The following FAM81B variants were observed in gnomAD, a reference collection of about 807,000 sequenced individuals.
The protein encoded by FAM81B is family with sequence similarity 81 member B.
In FAM81B, 60 loss-of-function variants were observed where a neutral mutation model predicts 58.7. That is an observed-to-expected ratio of 1.02 (90% CI 0.83 to 1.27). The LOEUF (loss-of-function observed/expected upper bound fraction) is 1.27, where lower values mean the gene tolerates loss of function less well. Ranked by LOEUF, FAM81B falls within the 50% of genes most tolerant of loss-of-function variation. The pLI is 0.00. For missense variants in FAM81B, 491 were observed against 522.0 expected (o/e 0.94, Z 0.58); for synonymous variants, 189 against 179.6 (o/e 1.05, Z -0.42).
chr5:95,420,433 C>T (rs1024341193), intron 5 of FAM81B, 31 bp downstream of exon 5: 27 of 1,610,986 alleles, frequency 1.7e-5, no homozygotes, highest in Non-Finnish European at 2.3e-5. Context: ...TAATGTTTAA[C>T]AGTGAATTCT....
chr5:95,448,039 C>T (rs889836430), intron 8 of FAM81B, among the ~76,000 whole-genome samples: 12 of 152,128 alleles, frequency 7.9e-5, no homozygotes, highest in Admixed American at 1.3e-4. Context: ...ATTTGGGCCA[C>T]GCTACAGCCC....
intron 6 of FAM81B, 28 bp from the exon 7 acceptor site, chr5:95,436,772 T>C (rs371688079): frequency 6.1e-6 from 9 of 1,478,708 alleles, no homozygotes; most frequent in East Asian, 2.3e-5. Flanking sequence ...TTTGTTCATA[T>C]GCACAAACCC....
chr5:95,417,372 T>A (rs563037089), intron 4 of FAM81B, among the ~76,000 whole-genome samples: 1 of 152,242 alleles, frequency 6.6e-6, no homozygotes, highest in South Asian at 2.1e-4. Flanking sequence ...AAAGTAACAA[T>A]TTTGGCTGAG....
intron 4 of FAM81B, among the ~76,000 whole-genome samples, chr5:95,418,338 G>A (rs1043278586): frequency 2.0e-5 from 3 of 152,066 alleles, no homozygotes; most frequent in Admixed American, 1.3e-4. Flanking sequence ...ACTATGGCAA[G>A]GAGAAGCCGT....
chr5:95,414,910 C>T (rs1353601345), intron 4 of FAM81B, among the ~76,000 whole-genome samples: 1 of 152,038 alleles, frequency 6.6e-6, no homozygotes, highest in African/African-American at 2.4e-5. Flanking sequence ...TATTTGATTC[C>T]TGTTTGTTTT....
intron 3 of FAM81B, among the ~76,000 whole-genome samples, chr5:95,404,472 A>T (rs999950557): frequency 2.6e-5 from 4 of 152,090 alleles, no homozygotes; most frequent in Non-Finnish European, 5.9e-5. Context: ...CATGTTACAA[A>T]AACTACCATG....
At chr5:95,393,786 C>T (rs1486100862) in intron 2 of FAM81B, among the ~76,000 whole-genome samples, 1 of 152,068 alleles carries the variant, frequency 6.6e-6, no homozygotes, top group Non-Finnish European at 1.5e-5. Context: ...AAAATTATGT[C>T]ATATACAAGA....
intron 4 of FAM81B, among the ~76,000 whole-genome samples, chr5:95,415,252 G>A: frequency 6.6e-6 from 1 of 152,194 alleles, no homozygotes; most frequent in East Asian, 1.9e-4. Flanking sequence ...CCCAAAACTT[G>A]TGGAGTTATC....
intron 6 of FAM81B, among the ~76,000 whole-genome samples, chr5:95,430,651 C>T (rs1347563432): frequency 1.3e-5 from 2 of 151,822 alleles, no homozygotes; most frequent in Admixed American, 6.6e-5. Flanking sequence ...ATTTTGTATG[C>T]GTATAGATAT....
intron 5 of FAM81B, among the ~76,000 whole-genome samples, chr5:95,426,123 T>C (rs970357871): frequency 6.8e-5 from 6 of 88,840 alleles, no homozygotes; most frequent in Admixed American, 1.1e-4. Context: ...TATATATATA[T>C]GTACACATAT....
chr5:95,441,164 C>A (rs907357705), intron 7 of FAM81B, among the ~76,000 whole-genome samples: 4 of 152,128 alleles, frequency 2.6e-5, no homozygotes, highest in African/African-American at 7.2e-5. Flanking sequence ...ATGATACCAG[C>A]GGCTAAAACA....
chr5:95,407,420 A>ACACG (rs1561294565), intron 3 of FAM81B, among the ~76,000 whole-genome samples: 11 of 142,982 alleles, frequency 7.7e-5, no homozygotes, highest in East Asian at 5.9e-4. Context: ...GCACACACAC[A>ACACG]CGCGTGCGCG....
chr5:95,435,547 T>C (rs1745066590), intron 6 of FAM81B, among the ~76,000 whole-genome samples: 1 of 152,234 alleles, frequency 6.6e-6, no homozygotes, highest in African/African-American at 2.4e-5. Context: ...TGTATCATTA[T>C]TTATATTTTA....
intron 4 of FAM81B, among the ~76,000 whole-genome samples, chr5:95,419,815 A>C (rs1762630299): frequency 6.6e-6 from 1 of 152,202 alleles, no homozygotes; most frequent in African/African-American, 2.4e-5. Context: ...ATCCATAAAA[A>C]ATCTTGCCTG....
At chr5:95,420,781 A>G (rs1441025015) in intron 5 of FAM81B, among the ~76,000 whole-genome samples, 1 of 152,226 alleles carries the variant, frequency 6.6e-6, no homozygotes, top group Non-Finnish European at 1.5e-5. Context: ...GTCTAATGGG[A>G]TTTACTGCCA....
At chr5:95,396,285 T>C (rs761555943) in intron 3 of FAM81B, 110 bp downstream of exon 3, 4 of 762,692 alleles carry the variant, frequency 5.2e-6, no homozygotes, top group Non-Finnish European at 8.3e-6. Flanking sequence ...CAGAGATGAA[T>C]GTACCTGAAT....
At position 95,446,601 on chromosome 5, in the gene FAM81B, GAAT is replaced by G. The variant is rs780859547; in HGVS notation, c.939_941del (p.Asn313del). 4 of 1,610,592 alleles carry G rather than the reference GAAT, an allele frequency of 2.5e-6. No homozygotes were observed. The highest frequency in any genetic ancestry group is 2.2e-5 in the East Asian group (1 of 44,658). On this transcript the variant is annotated inframe_deletion, in exon 8 of 10. Coordinates refer to ENST00000283357, the MANE Select transcript of FAM81B (RefSeq NM_152548.3). ...CAAGTAATCTGTACGAAGAAGTTGA[GAAT>G]AATAAAAAATGGACAGAAAACCAAT...
intron 3 of FAM81B, among the ~76,000 whole-genome samples, chr5:95,408,075 TGA>T (rs10567707): frequency 0.072 from 9,351 of 130,192 alleles, 645 homozygotes; most frequent in African/African-American, 0.2. Flanking sequence ...TCCCCCAAAA[TGA>T]GAGAGAGAGA....
chr5:95,402,723 A>G (rs567565540), intron 3 of FAM81B, among the ~76,000 whole-genome samples: 8 of 152,280 alleles, frequency 5.3e-5, no homozygotes, highest in Non-Finnish European at 1.0e-4. Context: ...CTCTCTCTGG[A>G]TATAATCTTG....
Sources: allele counts gnomAD v4.1 joint callset (sites outside exome capture counted in the v4.1 genomes callset), GRCh38; gene constraint gnomAD v4.1.1; transcripts MANE v1.5; gene names NCBI Gene and HGNC (gene_info 2026-07-23, HGNC 2026-07-21).